The following SAMD11 variants were observed in gnomAD, a reference collection of about 807,000 sequenced individuals.
The protein encoded by SAMD11 is sterile alpha motif domain containing 11.
A neutral mutation model predicts 64.4 loss-of-function variants in SAMD11; 77 were observed. That is an observed-to-expected ratio of 1.20 (90% CI 0.99 to 1.44). The LOEUF (loss-of-function observed/expected upper bound fraction) is 1.44. SAMD11 is among the 40% of genes most tolerant of loss of function. SAMD11 has a pLI of 0.00. For missense variants in SAMD11, 1,402 were observed against 943.3 expected (o/e 1.49, Z -6.37); for synonymous variants, 658 against 421.9 (o/e 1.56, Z -6.86).
intron 2 of SAMD11, 104 bp from the exon 3 acceptor site, chr1:930,051 A>T: frequency 7.4e-7 from 1 of 1,345,090 alleles, no homozygotes; most frequent in Non-Finnish European, 1.0e-6. Flanking sequence ...AGACCAGGGC[A>T]GACCCCCGGG....
intron 2 of SAMD11, among the ~76,000 whole-genome samples, chr1:926,711 C>T (rs1463495673): frequency 1.3e-5 from 2 of 152,108 alleles, no homozygotes; most frequent in East Asian, 1.9e-4. Flanking sequence ...ACCTGCACCC[C>T]CTACCCAGTC....
chr1:939,613 A>G (rs1218544995), intron 7 of SAMD11, among the ~76,000 whole-genome samples: 4 of 151,968 alleles, frequency 2.6e-5, no homozygotes, highest in Non-Finnish European at 5.9e-5. Flanking sequence ...GGGGCGGGCC[A>G]CACCTCCATG....
Position 943,948 on chromosome 1 carries a change from TC to T in SAMD11, c.2334del (p.Val779TrpfsTer106), listed in dbSNP as rs1557612458. 3.7e-6 allele frequency: 6 copies of T among 1,612,584 alleles called. No individual in the cohort carries two copies. The highest frequency in any genetic ancestry group is 5.1e-6 in the Non-Finnish European group (6 of 1,179,822). ...RLGRVFYVASFPVALPLQPPT... is the reference protein window; with the variant it reads ...RLGRVFYVASXPVALPLQPPT... ...GGCCGAGTTTTCTACGTGGCCAGCTTCCCCGTGGCTCTGCCACTGCAGCCAC... is the reference window on the plus strand; with the variant it reads ...GGCCGAGTTTTCTACGTGGCCAGCTTCCCGTGGCTCTGCCACTGCAGCCAC... On this transcript the variant is annotated frameshift_variant, in exon 14 of 14. Transcript: ENST00000616016. LOFTEE classifies it low-confidence loss of function (END_TRUNC).
intron 4 of SAMD11, among the ~76,000 whole-genome samples, chr1:932,296 C>T (rs1418210964): frequency 6.6e-6 from 1 of 152,212 alleles, no homozygotes; most frequent in Non-Finnish European, 1.5e-5. Context: ...CTCCTCCTGC[C>T]TGCAGCCCCC....
intron 5 of SAMD11, 53 bp from the exon 6 acceptor site, chr1:938,987 G>A: frequency 6.7e-6 from 10 of 1,482,746 alleles, no homozygotes; most frequent in Non-Finnish European, 9.2e-6. Context: ...GCAGGGGCTG[G>A]GTTCCCCTTC....
At chr1:935,337 G>A (rs1446881182) in intron 4 of SAMD11, among the ~76,000 whole-genome samples, 1 of 152,106 alleles carries the variant, frequency 6.6e-6, no homozygotes, top group Non-Finnish European at 1.5e-5. Context: ...TGCAGAAATC[G>A]GGGGTCAGGG....
At chr1:943,129 G>T (rs924585728) in intron 11 of SAMD11, 71 bp downstream of exon 11, 6 of 1,571,878 alleles carry the variant, frequency 3.8e-6, no homozygotes, top group Admixed American at 1.8e-5. Context: ...AAGGGTCTTG[G>T]GGGGAGGAAA....
intron 5 of SAMD11, among the ~76,000 whole-genome samples, chr1:937,712 C>T (rs1256973669): frequency 1.3e-5 from 2 of 152,152 alleles, no homozygotes; most frequent in Non-Finnish European, 2.9e-5. Context: ...CGCCGCCCGC[C>T]GGGCCCAGCC....
At chr1:925,867 C>T in intron 1 of SAMD11, 55 bp from the exon 2 acceptor site, 1 of 1,336,214 alleles carries the variant, frequency 7.5e-7, no homozygotes, top group Non-Finnish European at 1.1e-6. Flanking sequence ...CTGCCGCTGA[C>T]TGCGCGCAGA....
chr1:935,899 G>A lies in SAMD11; in HGVS notation c.967+3G>A. ...GGAGATTGGCCTGCGACCCGCCGGTGAGGAGCACAGGGGGCCTGAGGGCGG... is the reference window on the plus strand; with the variant it reads ...GGAGATTGGCCTGCGACCCGCCGGTAAGGAGCACAGGGGGCCTGAGGGCGG... On this transcript the variant is annotated splice_donor_region_variant and intron_variant, in intron 5 of 13. Coordinates refer to ENST00000616016, the MANE Select transcript of SAMD11 (RefSeq NM_001385641.1). The A allele has an allele frequency of 6.2e-7, 1 of 1,612,516 alleles. No individual in the cohort carries two copies. The highest frequency in any genetic ancestry group is 8.5e-7 in the Non-Finnish European group (1 of 1,179,612).
In SAMD11 at chr1:943,045, C is replaced by G. The variant is rs574517367; in HGVS notation, c.2040C>G (p.Pro680=). The G allele has an allele frequency of 2.6e-6, 4 of 1,532,310 alleles. No homozygotes were observed. The highest frequency in any genetic ancestry group is 2.8e-5 in the African/African-American group (2 of 71,796). The allele number at this position is 1,532,310 out of a possible 1,614,324, so 94.9% of individuals were successfully genotyped here. ...LPLGFPYAVS[P]YFHTGAVGGL... ...TGGGCTTCCCTTATGCCGTCAGCCC[C>G]TACTTCCACACAGGTGGGCACCCCC... is the stretch of plus-strand genomic sequence containing the variant. The change falls in exon 11 of 14, where the codon CCC becomes CCG. Residue 680 remains proline, a synonymous_variant. Coordinates refer to ENST00000616016, the MANE Select transcript of SAMD11 (RefSeq NM_001385641.1).
intron 5 of SAMD11, among the ~76,000 whole-genome samples, chr1:936,171 C>T (rs533686424): frequency 1.3e-4 from 20 of 152,334 alleles, no homozygotes; most frequent in African/African-American, 3.8e-4. Context: ...GTAGGCGTGG[C>T]CTCAGAGGTT....
intron 1 of SAMD11, chr1:925,226 A>C (rs1447007629): frequency 6.6e-6 from 1 of 152,184 alleles, no homozygotes; most frequent in Non-Finnish European, 1.5e-5. Flanking sequence ...GGCCCGAAGG[A>C]AGTTTACGGG....
At position 925,908 on chromosome 1, in the gene SAMD11, G is replaced by A; in HGVS notation, c.518-14G>A. 6.3e-7 allele frequency: 1 copy of A among 1,596,342 alleles called. No individual in the cohort carries two copies. Among genetic ancestry groups the A allele is most frequent in the South Asian group, 1.1e-5 (1 of 90,810 alleles). On this transcript the variant is annotated splice_polypyrimidine_tract_variant and intron_variant, in intron 1 of 13. Coordinates refer to ENST00000616016, the MANE Select transcript of SAMD11 (RefSeq NM_001385641.1). Reference sequence around the variant, plus strand: ...GCCGCTCCCTCACAGGGTCTGCCTCGGCTCTGCTCGCAGGGAAAAGTCTGA... The same window carrying A: ...GCCGCTCCCTCACAGGGTCTGCCTCAGCTCTGCTCGCAGGGAAAAGTCTGA...
In SAMD11 at chr1:944,060, C is replaced by T. The variant is rs765590033; in HGVS notation, c.2442C>T (p.Gly814=). 5 of 1,612,740 alleles carry T rather than the reference C, an allele frequency of 3.1e-6. No homozygotes were observed. Among genetic ancestry groups the T allele is most frequent in the Admixed American group, 1.7e-5 (1 of 60,028 alleles). ...CGGCCACGTCCCCCTATGGAGGGGG[C>T]CACGCCCTTGCCGGTCAAACTTCAC... ...PTTATSPYGG[G]HALAGQTSPK... The change falls in exon 14 of 14, where the codon GGC becomes GGT. Residue 814 remains glycine (G), a synonymous_variant. Transcript: ENST00000616016.
At chr1:935,045 C>A (rs921850839) in intron 4 of SAMD11, among the ~76,000 whole-genome samples, 1 of 152,144 alleles carries the variant, frequency 6.6e-6, no homozygotes, top group South Asian at 2.1e-4. Flanking sequence ...CTCACGGAAC[C>A]GGGAAGGGGT....
rs149880798 is a variant in SAMD11, at chr1:944,102, G to C, written c.2484G>C (p.Gly828=). 8.6e-3 allele frequency: 13,907 copies of C among 1,609,268 alleles called. 56 individuals are homozygous for C. Among genetic ancestry groups the C allele is most frequent in the Non-Finnish European group, 0.01 (12,216 of 1,177,794 alleles). ...AAACTTCACCCAAGCAGGAGAATGGGACCTTGGCTCTACTTCCAGGGGCCC... is the reference window on the plus strand; with the variant it reads ...AAACTTCACCCAAGCAGGAGAATGGCACCTTGGCTCTACTTCCAGGGGCCC... ...AGQTSPKQEN[G]TLALLPGAPD... is the part of the protein sequence containing the mutation. Residue 828 remains glycine, a synonymous_variant, in exon 14 of 14, where the codon GGG becomes GGC. Coordinates refer to ENST00000616016, the MANE Select transcript of SAMD11 (RefSeq NM_001385641.1).
chr1:936,911 C>T (rs1479321681), intron 5 of SAMD11, among the ~76,000 whole-genome samples: 4 of 152,208 alleles, frequency 2.6e-5, no homozygotes, highest in East Asian at 1.9e-4. Context: ...TCCCCTGTGC[C>T]TTCACACAGG....
rs1362882035 is a variant in SAMD11 at position 942,762 on chromosome 1, C to G, written c.1757C>G (p.Pro586Arg). Residue 586 changes from proline to arginine, a missense_variant, in exon 11 of 14, where the codon CCG becomes CGG. By Grantham distance (103) the Pro-to-Arg change is moderately radical. Coordinates refer to ENST00000616016, the MANE Select transcript of SAMD11 (RefSeq NM_001385641.1). The stretch of plus-strand genomic sequence containing the variant: ...CCCCCGGGCTCCGGACCCCCCACCC[C>G]GTCCCGGGACTCTGCCCGGCGAGCC... ...QGPPGSGPPT[P>R]SRDSARRAPR... is the part of the protein sequence containing the mutation. 9.9e-6 allele frequency: 15 copies of G among 1,521,806 alleles called. No homozygotes were observed. The highest frequency in any genetic ancestry group is 1.3e-5 in the Non-Finnish European group (15 of 1,138,198). 94.3% of individuals were successfully genotyped at this position (1,521,806 alleles called of 1,614,324 possible).
Sources: allele counts gnomAD v4.1 joint callset (sites outside exome capture counted in the v4.1 genomes callset), GRCh38; gene constraint gnomAD v4.1.1; transcripts MANE v1.5; gene names NCBI Gene and HGNC (gene_info 2026-07-23, HGNC 2026-07-21).